The following PYY variants were observed in gnomAD, a reference collection of about 807,000 sequenced individuals.
The protein encoded by PYY is peptide tyrosine tyrosine.
Under a neutral mutation model 10.3 loss-of-function variants are expected in PYY, and 12 were observed. That is an observed-to-expected ratio of 1.17 (90% CI 0.75 to 1.89). The LOEUF (loss-of-function observed/expected upper bound fraction) is 1.89. Among genes scored for constraint, PYY ranks in the 40% most tolerant of loss-of-function variants. PYY has a pLI of 0.00. For synonymous variants in PYY, 66 were observed against 62.0 expected (o/e 1.06, Z -0.30); for missense variants, 141 against 134.0 (o/e 1.05, Z -0.26).
chr17:43,961,796 T>C (rs897891447), intron 2 of PYY, among the ~76,000 whole-genome samples: 2 of 152,122 alleles, frequency 1.3e-5, no homozygotes, highest in African/African-American at 4.8e-5. Context: ...AGTGCTGAGA[T>C]TATAGGCGTG....
chr17:43,989,267 G>A (rs540824212), intron 1 of PYY, among the ~76,000 whole-genome samples: 6 of 152,058 alleles, frequency 3.9e-5, no homozygotes, highest in Admixed American at 6.6e-5. Context: ...CCAGCTACTC[G>A]GGAGGCTGAG....
At chr17:43,974,306 C>A (rs1431855183) in intron 1 of PYY, among the ~76,000 whole-genome samples, 1 of 151,816 alleles carries the variant, frequency 6.6e-6, no homozygotes, top group Non-Finnish European at 1.5e-5. Context: ...GACCGTCCTG[C>A]ACAAACTGCC....
Position 44,003,115 on chromosome 17 carries a change from G to A in PYY, c.-463+1276C>T, listed in dbSNP as rs79936645. Among the ~76,000 whole-genome samples, 832 of 152,124 alleles carry A rather than the reference G, an allele frequency of 5.5e-3. 4 individuals carry two copies. Among genetic ancestry groups the A allele is most frequent in the Middle Eastern group, 0.051 (15 of 294 alleles). On this transcript the variant is annotated intron_variant, in intron 1 of 6. Transcript: ENST00000360085. ...TGCAGTGGCACAGTCTCAGTTCACC[G>A]CAATCTCCTCCTCCCAGGCTCAAGT...
chr17:43,992,599 C>T (rs1272365873), intron 1 of PYY, among the ~76,000 whole-genome samples: 2 of 151,958 alleles, frequency 1.3e-5, no homozygotes, highest in African/African-American at 2.4e-5. Flanking sequence ...TCCAGCTACT[C>T]GGGAGGCTGA....
chr17:43,962,033 AC>A (rs1295197385), intron 2 of PYY, among the ~76,000 whole-genome samples: 5 of 152,078 alleles, frequency 3.3e-5, no homozygotes, highest in Admixed American at 3.3e-4. Flanking sequence ...TAGGAAAGAG[AC>A]CATAAATTGT....
rs1295911581 is a variant in PYY, at chr17:43,976,339, G to A, written c.-462-9807C>T. On this transcript the variant is annotated intron_variant, in intron 1 of 6. Coordinates refer to the PYY transcript ENST00000360085. The stretch of plus-strand genomic sequence containing the variant: ...TACACATATACATGTATACATATAC[G>A]TATATACACATATACATGTATACAT... Among the ~76,000 whole-genome samples the A allele has an allele frequency of 2.7e-5, 4 of 148,026 alleles. No homozygotes were observed. In the South Asian group the frequency reaches 6.5e-4, roughly 24 times the overall value.
intron 1 of PYY, among the ~76,000 whole-genome samples, chr17:43,969,406 A>T (rs2048774693): frequency 6.7e-6 from 1 of 149,834 alleles, no homozygotes; most frequent in African/African-American, 2.5e-5. Context: ...AATCCCAGCT[A>T]CTCCAGAGGC....
chr17:44,001,568 C>G (rs1205701762), intron 1 of PYY, among the ~76,000 whole-genome samples: 2 of 152,144 alleles, frequency 1.3e-5, no homozygotes, highest in Non-Finnish European at 2.9e-5. Flanking sequence ...CACAGTGGCC[C>G]CAGGGTCAAT....
rs566080981 is a variant in PYY at position 43,963,225 on chromosome 17, G to C, written c.-218+3063C>G. 8.1e-4 allele frequency among the ~76,000 whole-genome samples: 123 copies of C among 152,210 alleles called. 1 individual carries two copies. The highest frequency in any genetic ancestry group is 1.5e-3 in the Non-Finnish European group (100 of 68,016). On this transcript the variant is annotated intron_variant, in intron 2 of 6. Transcript: ENST00000360085. ...AAACTATTATGAGAAAAATAGCCCTGAGCTGGGCACGGTGGCTCATCCCTG... is the reference window on the plus strand; with the variant it reads ...AAACTATTATGAGAAAAATAGCCCTCAGCTGGGCACGGTGGCTCATCCCTG...
chr17:43,977,354 C>A (rs2048855847), intron 1 of PYY, among the ~76,000 whole-genome samples: 1 of 152,100 alleles, frequency 6.6e-6, no homozygotes, highest in African/African-American at 2.4e-5. Flanking sequence ...CAAGAATTGA[C>A]CCACTCCCAC....
At chr17:43,985,568 G>A (rs1383560297) in intron 1 of PYY, among the ~76,000 whole-genome samples, 2 of 152,216 alleles carry the variant, frequency 1.3e-5, no homozygotes, top group Non-Finnish European at 2.9e-5. Flanking sequence ...TCACTGGTGA[G>A]ACTGTAACAG....
chr17:43,981,449 C>T lies in PYY; in HGVS notation c.-462-14917G>A, dbSNP rs531629903. 2.3e-3 allele frequency among the ~76,000 whole-genome samples: 347 copies of T among 151,802 alleles called. 2 individuals are homozygous for T. The highest frequency in any genetic ancestry group is 7.8e-3 in the African/African-American group (322 of 41,438). ...GGTATCTCACTGTGGCTTTAATTTG[C>T]ATTTTCCTGATGATTGATTAAAAGA... On this transcript the variant is annotated intron_variant, in intron 1 of 6. Transcript: ENST00000360085.
chr17:43,990,240 C>A (rs1219875635), intron 1 of PYY, among the ~76,000 whole-genome samples: 1 of 151,526 alleles, frequency 6.6e-6, no homozygotes, highest in East Asian at 1.9e-4. Flanking sequence ...GAGTTCGAGA[C>A]CAGCCTGGCC....
chr17:43,952,984 C>T lies in PYY; in HGVS notation c.270-4G>A. On this transcript the variant is annotated splice_polypyrimidine_tract_variant and splice_region_variant and intron_variant, in intron 3 of 3. Transcript: ENST00000692052. ...CCACAGGTCTGGGCCCTCCGACCTG[C>T]GGAAGCGAAGGGGAAGGAATTGGAT... 1 of 1,566,704 alleles carries T rather than the reference C, an allele frequency of 6.4e-7. No homozygotes were observed.
rs746857353 is a variant in PYY, at chr17:43,953,276, C to T, written c.188+20G>A. ...CGCAGGGTGAGAGCCCCAGGGGTCCCGCTCCGCGCCTGCGCTCACCGCTGC... is the reference window on the plus strand; with the variant it reads ...CGCAGGGTGAGAGCCCCAGGGGTCCTGCTCCGCGCCTGCGCTCACCGCTGC... On this transcript the variant is annotated intron_variant, in intron 2 of 3. Transcript: ENST00000692052. 3.1e-6 allele frequency: 5 copies of T among 1,607,166 alleles called. No homozygotes were observed. Among genetic ancestry groups the T allele is most frequent in the Non-Finnish European group, 3.4e-6 (4 of 1,177,072 alleles).
upstream of PYY, among the ~76,000 whole-genome samples, chr17:43,954,697 T>A (rs1260436963): frequency 6.6e-6 from 1 of 151,928 alleles, no homozygotes; most frequent in African/African-American, 2.4e-5. Flanking sequence ...CAAGGCAGAG[T>A]GTCTCCACCC....
chr17:43,966,657 T>G (rs2048757427), intron 1 of PYY: 1 of 152,264 alleles, frequency 6.6e-6, no homozygotes, highest in Non-Finnish European at 1.5e-5. Context: ...ATCCTCCTTA[T>G]CTGCCCTGTT....
chr17:43,959,586 G>A (rs2048697787), intron 2 of PYY, among the ~76,000 whole-genome samples: 1 of 152,238 alleles, frequency 6.6e-6, no homozygotes, highest in South Asian at 2.1e-4. Flanking sequence ...CGAGACTGAG[G>A]CAGGAGAATC....
intron 1 of PYY, among the ~76,000 whole-genome samples, chr17:43,974,915 G>GA (rs1177112414): frequency 6.6e-6 from 1 of 151,894 alleles, no homozygotes; most frequent in African/African-American, 2.4e-5. Context: ...GGAGGATAGG[G>GA]AAAAAAAAGT....
Sources: gnomAD v4.1 joint callset for allele counts (sites outside exome capture counted in the v4.1 genomes callset) on GRCh38, gnomAD v4.1.1 for gene constraint, MANE v1.5 for transcripts, NCBI Gene and HGNC (gene_info 2026-07-23, HGNC 2026-07-21) for gene names.